Variants in TIPRL observed in about 807,000 individuals in gnomAD.
TIPRL encodes the protein TOR signaling pathway regulator.
A neutral mutation model predicts 32.3 loss-of-function variants in TIPRL; 10 were observed. The ratio of observed to expected loss-of-function variants is 0.31; its 90% CI spans 0.19 to 0.52. The LOEUF (loss-of-function observed/expected upper bound fraction) is 0.52. Among genes scored for constraint, TIPRL ranks in the 20% least tolerant of loss-of-function variants. The probability of loss-of-function intolerance (pLI) is 0.96; values close to 1 mark genes in which losing one functional copy is unlikely to be tolerated. For missense variants in TIPRL, 250 were observed against 328.1 expected (o/e 0.76, Z 1.84); for synonymous variants, 100 against 114.0 (o/e 0.88, Z 0.78).
At position 168,182,684 on chromosome 1, in the gene TIPRL, A is replaced by G. The variant is rs538925451; in HGVS notation, c.105-1218A>G. Among the ~76,000 whole-genome samples, 231 of 152,368 alleles carry G rather than the reference A, an allele frequency of 1.5e-3. 2 individuals carry two copies. Among genetic ancestry groups the G allele is most frequent in the African/African-American group, 5.4e-3 (224 of 41,584 alleles). ...AGAAACTCTATATTTAGAACACTGA[A>G]GGACTGTAAATTAGTAACAGTGATT... On this transcript the variant is annotated intron_variant, in intron 1 of 6. Coordinates refer to ENST00000367833, the MANE Select transcript of TIPRL (RefSeq NM_152902.5).
chr1:168,185,699 G>C (rs1311652423), intron 3 of TIPRL, among the ~76,000 whole-genome samples: 1 of 151,378 alleles, frequency 6.6e-6, no homozygotes, highest in Non-Finnish European at 1.5e-5. Context: ...GAACCCGGGA[G>C]GTGGAGGTTG....
At position 168,196,642 on chromosome 1, in the gene TIPRL, G is replaced by A; in HGVS notation, c.612G>A (p.Glu204=). 6.3e-7 allele frequency: 1 copy of A among 1,583,944 alleles called. No individual in the cohort carries two copies. The highest frequency in any genetic ancestry group is 8.6e-7 in the Non-Finnish European group (1 of 1,165,684). The change falls in exon 5 of 7, where the codon GAG becomes GAA. Residue 204 remains glutamate (E), a splice_region_variant and synonymous_variant. Transcript: ENST00000367833. ...TGAATGACACGAGACTTTACCATGA[G>A]GTATTTATTGTTGTTTAATGAATAT... ...IRMNDTRLYH[E]ADKTYMLREY... is the part of the protein sequence containing the mutation.
At chr1:168,191,812 C>T (rs1700100214) in intron 4 of TIPRL, among the ~76,000 whole-genome samples, 1 of 132,700 alleles carries the variant, frequency 7.5e-6, no homozygotes, top group South Asian at 2.3e-4. Flanking sequence ...GCGGAGCTTG[C>T]AGTGAGCCAG....
intron 3 of TIPRL, among the ~76,000 whole-genome samples, chr1:168,186,890 G>A (rs1700033929): frequency 6.6e-6 from 1 of 152,226 alleles, no homozygotes; most frequent in Non-Finnish European, 1.5e-5. Flanking sequence ...TAAGAAGATA[G>A]TGTTGTGTCT....
intron 2 of TIPRL, 146 bp downstream of exon 2, chr1:168,184,227 A>G (rs1302627923): frequency 2.1e-5 from 18 of 846,524 alleles, no homozygotes; most frequent in Non-Finnish European, 2.3e-5. Flanking sequence ...GTATCATTCT[A>G]GAATTCGTTT....
In TIPRL at chr1:168,184,097, A is replaced by G. The variant is rs986081893; in HGVS notation, c.284+16A>G. On this transcript the variant is annotated intron_variant, in intron 2 of 6. Transcript: ENST00000367833. ...AAGAAAGCAGGTGAGAATCCGGTCA[A>G]TTAGGTTAAACAAAAAAGGTAATTA... The G allele has an allele frequency of 3.1e-6, 5 of 1,594,276 alleles. No homozygotes were observed. Among genetic ancestry groups the G allele is most frequent in the South Asian group, 1.1e-5 (1 of 89,218 alleles).
intron 3 of TIPRL, among the ~76,000 whole-genome samples, chr1:168,189,593 G>A (rs767487074): frequency 1.3e-5 from 2 of 152,190 alleles, no homozygotes; most frequent in Middle Eastern, 3.4e-3. Flanking sequence ...TGATCCGGCC[G>A]CCTTGCCTCC....
chr1:168,184,901 ATGAGTCAT>A, intron 3 of TIPRL, 23 bp downstream of exon 3: 1 of 1,465,346 alleles, frequency 6.8e-7, no homozygotes. Context: ...TTTTTCTTTC[ATGAGTCAT>A]TGATTGTCTT....
intron 5 of TIPRL, among the ~76,000 whole-genome samples, chr1:168,198,000 G>T (rs951578310): frequency 2.0e-5 from 3 of 152,066 alleles, no homozygotes; most frequent in Admixed American, 2.0e-4. Flanking sequence ...AAGGAAAGTA[G>T]GAACTTAATG....
chr1:168,198,992 AAATTTC>A lies in TIPRL; in HGVS notation c.675+13_675+18del. 2 of 1,603,262 alleles carry A rather than the reference AAATTTC, an allele frequency of 1.2e-6. No homozygotes were observed. The highest frequency in any genetic ancestry group is 1.7e-6 in the Non-Finnish European group (2 of 1,172,150). On this transcript the variant is annotated intron_variant, in intron 6 of 6. Transcript: ENST00000367833. ...ATTTCTAGTTTGATGGCAAGTACTT[AAATTTC>A]AGTTTTTAGAAGTTAATTTTAATGT...
intron 3 of TIPRL, among the ~76,000 whole-genome samples, chr1:168,186,074 CAAAAAAAAAAA>C (rs56699636): frequency 1.4e-4 from 8 of 56,024 alleles, no homozygotes; most frequent in Non-Finnish European, 1.8e-4. Flanking sequence ...GACTCCGTCT[CAAAAAAAAAAA>C]AAAAAAAAAA....
intron 5 of TIPRL, among the ~76,000 whole-genome samples, chr1:168,197,609 T>A (rs958056317): frequency 6.6e-6 from 1 of 152,148 alleles, no homozygotes; most frequent in African/African-American, 2.4e-5. Flanking sequence ...AACCTCTGCT[T>A]CCTGAGTTCA....
Position 168,201,135 on chromosome 1 carries a change from A to G in TIPRL, c.*1089A>G, listed in dbSNP as rs907655421. ...TTCATAGTGACCCCTTAGTCATTTT[A>G]TATTCTTGTCTGCCTTTCTAGAAAA... On this transcript the variant is annotated 3_prime_UTR_variant, in exon 7 of 7. Coordinates refer to ENST00000367833, the MANE Select transcript of TIPRL (RefSeq NM_152902.5). 1 of 152,138 alleles carries G rather than the reference A, an allele frequency of 6.6e-6. No individual in the cohort carries two copies. Among genetic ancestry groups the G allele is most frequent in the Admixed American group, 6.5e-5 (1 of 15,280 alleles). The allele number at this position is 152,138 out of a possible 1,614,324, so 9.4% of individuals were successfully genotyped here.
At chr1:168,197,410 T>G (rs1359540933) in intron 5 of TIPRL, among the ~76,000 whole-genome samples, 1 of 152,206 alleles carries the variant, frequency 6.6e-6, no homozygotes, top group Non-Finnish European at 1.5e-5. Flanking sequence ...GATTTTTTCT[T>G]GAAATAACAT....
At chr1:168,195,467 T>G (rs1237959086) in intron 4 of TIPRL, among the ~76,000 whole-genome samples, 3 of 152,206 alleles carry the variant, frequency 2.0e-5, no homozygotes, top group Non-Finnish European at 4.4e-5. Flanking sequence ...TTTTGAGCAT[T>G]GGGATTCTAT....
At chr1:168,182,346 C>G (rs1206965345) in intron 1 of TIPRL, among the ~76,000 whole-genome samples, 1 of 152,124 alleles carries the variant, frequency 6.6e-6, no homozygotes, top group Non-Finnish European at 1.5e-5. Context: ...CATTTTCAGG[C>G]CGGGCGCGGT....
At chr1:168,186,468 C>T (rs1017850069) in intron 3 of TIPRL, among the ~76,000 whole-genome samples, 1 of 152,040 alleles carries the variant, frequency 6.6e-6, no homozygotes, top group Non-Finnish European at 1.5e-5. Context: ...TGCACTCTAG[C>T]CTGGGCAACA....
chr1:168,199,688 A>G (rs962839988), intron 6 of TIPRL, among the ~76,000 whole-genome samples: 7 of 152,174 alleles, frequency 4.6e-5, no homozygotes, highest in African/African-American at 1.7e-4. Context: ...TGGGAACATT[A>G]TAGATTATAT....
intron 3 of TIPRL, among the ~76,000 whole-genome samples, chr1:168,190,967 T>C (rs947085431): frequency 2.0e-5 from 3 of 152,182 alleles, no homozygotes; most frequent in Admixed American, 2.0e-4. Context: ...AAAAATATTT[T>C]TTAAGTTCCA....
Sources: gnomAD v4.1 joint callset for allele counts (sites outside exome capture counted in the v4.1 genomes callset) on GRCh38, gnomAD v4.1.1 for gene constraint, MANE v1.5 for transcripts, NCBI Gene and HGNC (gene_info 2026-07-23, HGNC 2026-07-21) for gene names.